ZNF730: variants seen among roughly 807,000 people sequenced by gnomAD.
The protein encoded by ZNF730 is zinc finger protein 730, also known as putative zinc finger protein 730.
In ZNF730, 12 loss-of-function variants were observed where a neutral mutation model predicts 12.6. That is an observed-to-expected ratio of 0.95 (90% CI 0.61 to 1.54). The LOEUF is 1.54. Ranked by LOEUF, ZNF730 falls within the 40% of genes most tolerant of loss-of-function variation. ZNF730 has a pLI of 0.00. For synonymous variants in ZNF730, 194 were observed against 195.8 expected, an observed-to-expected ratio of 0.99 and a Z score of 0.08; for missense variants, 643 against 583.5, an observed-to-expected ratio of 1.10 and a Z score of -1.05.
upstream of ZNF730, among the ~76,000 whole-genome samples, chr19:23,114,395 CT>C (rs1276744798): frequency 2.4e-3 from 350 of 148,920 alleles, 3 homozygotes; most frequent in African/African-American, 8.3e-3. Context: ...CAAGCTCCGC[CT>C]CCCGGGTTCT....
intron 2 of ZNF730, 43 bp downstream of exon 2, chr19:23,134,249 A>T (rs923812012): frequency 7.0e-7 from 1 of 1,432,270 alleles, no homozygotes; most frequent in Admixed American, 2.5e-5. Flanking sequence ...TACCCTATAG[A>T]TTTCATTTAT....
intron 1 of ZNF730, among the ~76,000 whole-genome samples, chr19:23,090,763 G>A (rs1231936682): frequency 1.3e-5 from 2 of 152,084 alleles, no homozygotes; most frequent in Admixed American, 6.6e-5. Context: ...TTGGGAGGCT[G>A]AGGTGGGTGG....
intron 1 of ZNF730, among the ~76,000 whole-genome samples, chr19:23,097,254 T>G (rs1176511546): frequency 6.6e-6 from 1 of 152,070 alleles, no homozygotes; most frequent in African/African-American, 2.4e-5. Context: ...ACACATTACT[T>G]GGCCAACATC....
rs796716596 is a variant in ZNF730, at chr19:23,080,652, G to A, written c.-94+5265G>A. On this transcript the variant is annotated intron_variant, in intron 1 of 2. Coordinates refer to the ZNF730 transcript ENST00000593635. ...GGCCTCCCAAAGTGCTGGGATTACA[G>A]ACGTGAACCACTGTGCCTGGCTATG... Among the ~76,000 whole-genome samples, 57 of 152,132 alleles carry A rather than the reference G, an allele frequency of 3.7e-4. 1 individual carries two copies. Among genetic ancestry groups the A allele is most frequent in the African/African-American group, 1.3e-3 (54 of 41,530 alleles).
chr19:23,095,554 C>T (rs1040375143), intron 1 of ZNF730: 2 of 397,582 alleles, frequency 5.0e-6, no homozygotes, highest in African/African-American at 4.1e-5. Flanking sequence ...ATTCTGCCCT[C>T]AGAGGACATT....
intron 1 of ZNF730, among the ~76,000 whole-genome samples, chr19:23,108,008 G>A (rs1970415535): frequency 6.6e-6 from 1 of 152,076 alleles, no homozygotes; most frequent in African/African-American, 2.4e-5. Flanking sequence ...GTCTTGCTCA[G>A]TGGGTACTCA....
rs1035966665 is a variant in ZNF730 at position 23,082,922 on chromosome 19, C to A, written c.-94+7535C>A. 6.6e-5 allele frequency among the ~76,000 whole-genome samples: 10 copies of A among 152,200 alleles called. No individual in the cohort carries two copies. The East Asian group carries it at 7.8e-4, about 12-fold the overall frequency. The stretch of plus-strand genomic sequence containing the variant: ...GCACGTTGGTCAGGCTGGTCTCGAA[C>A]TCCTGACGTCAGGTCATCTGCCCAC... On this transcript the variant is annotated intron_variant, in intron 1 of 2. Coordinates refer to the ZNF730 transcript ENST00000593635.
intron 1 of ZNF730, among the ~76,000 whole-genome samples, chr19:23,089,409 T>C (rs184299803): frequency 2.0e-5 from 3 of 152,288 alleles, no homozygotes; most frequent in Admixed American, 1.3e-4. Context: ...TATTGTTTGA[T>C]TGAGTCTCCA....
chr19:23,138,434 C>A (rs1348100823), intron 3 of ZNF730, among the ~76,000 whole-genome samples: 1 of 152,124 alleles, frequency 6.6e-6, no homozygotes, highest in Non-Finnish European at 1.5e-5. Flanking sequence ...TCGGGGAAGA[C>A]AATAAGGACC....
upstream of ZNF730, among the ~76,000 whole-genome samples, chr19:23,116,242 T>G (rs1970517979): frequency 6.6e-6 from 1 of 151,828 alleles, no homozygotes; most frequent in South Asian, 2.1e-4. Flanking sequence ...TTGTTCAGTG[T>G]CTGATCTCTG....
At chr19:23,137,548 A>G (rs970210843) in intron 3 of ZNF730, among the ~76,000 whole-genome samples, 5 of 152,230 alleles carry the variant, frequency 3.3e-5, no homozygotes, top group African/African-American at 1.2e-4. Context: ...CTTGTCTTCA[A>G]TGTCAGTGAC....
In ZNF730 at chr19:23,098,146, G is replaced by GA. The variant is rs886591031; in HGVS notation, c.-94+22772dup. ...GTGACAGAGTGAGACTCTGTCTCAA[G>GA]AAAAAAAAAAAAAGAAGGTATTGCA... On this transcript the variant is annotated intron_variant, in intron 1 of 2. Transcript: ENST00000593635. Among the ~76,000 whole-genome samples, 1,057 of 131,814 alleles carry GA rather than the reference G, an allele frequency of 8.0e-3. 8 individuals are homozygous for GA. The highest frequency in any genetic ancestry group is 0.023 in the African/African-American group (814 of 35,878). 86.5% of individuals were successfully genotyped at this position (131,814 alleles called of 152,430 possible). A position where few individuals can be genotyped will look rare whatever the true frequency, so the allele number is the denominator to read the frequency against.
chr19:23,093,711 C>T (rs1177626899), intron 1 of ZNF730, among the ~76,000 whole-genome samples: 1 of 152,196 alleles, frequency 6.6e-6, no homozygotes, highest in Non-Finnish European at 1.5e-5. Flanking sequence ...CTCTCCCACC[C>T]CAGGGGTAGG....
intron 3 of ZNF730, among the ~76,000 whole-genome samples, chr19:23,142,687 C>CAA (rs55654522): frequency 1.7e-4 from 13 of 75,558 alleles, no homozygotes; most frequent in African/African-American, 4.9e-4. Context: ...GACTCTGTCT[C>CAA]AAAAAAAAAA....
chr19:23,091,961 G>A (rs1284090810), intron 1 of ZNF730, among the ~76,000 whole-genome samples: 1 of 152,126 alleles, frequency 6.6e-6, no homozygotes, highest in Non-Finnish European at 1.5e-5. Flanking sequence ...ATATTCTTTG[G>A]ATGTGTCCCC....
intron 1 of ZNF730, among the ~76,000 whole-genome samples, chr19:23,124,660 G>A (rs1279602952): frequency 1.3e-5 from 2 of 152,200 alleles, no homozygotes; most frequent in Non-Finnish European, 2.9e-5. Flanking sequence ...CAGTGTAAAA[G>A]AAATGAGTCA....
chr19:23,095,368 G>C, intron 1 of ZNF730: 1 of 398,560 alleles, frequency 2.5e-6, no homozygotes. Flanking sequence ...TCCAACAACT[G>C]GTTGATGTAG....
chr19:23,082,856 C>G (rs1969987804), intron 1 of ZNF730, among the ~76,000 whole-genome samples: 1 of 152,096 alleles, frequency 6.6e-6, no homozygotes, highest in Non-Finnish European at 1.5e-5. Flanking sequence ...CATGTGCCAC[C>G]ATGCCCAACT....
chr19:23,085,852 TTTTTTTTTTTTGAGA>T (rs1970054657), intron 1 of ZNF730, among the ~76,000 whole-genome samples: 1 of 110,804 alleles, frequency 9.0e-6, no homozygotes, highest in Non-Finnish European at 1.8e-5. Flanking sequence ...TTTTTTTTTT[TTTTTTTTTTTTGAGA>T]TGGAGTCTCG....
Sources: allele counts gnomAD v4.1 joint callset (sites outside exome capture counted in the v4.1 genomes callset), GRCh38; gene constraint gnomAD v4.1.1; transcripts MANE v1.5; gene names NCBI Gene and HGNC (gene_info 2026-07-23, HGNC 2026-07-21).